Variants in RYR3 observed in about 807,000 individuals in gnomAD.
RYR3 encodes brain ryanodine receptor-calcium release channel.
RYR3 carries 207 observed loss-of-function variants against 584.3 expected under a neutral mutation model. That is an observed-to-expected ratio of 0.35 (90% CI 0.32 to 0.40). The LOEUF (loss-of-function observed/expected upper bound fraction) is 0.40, where lower values mean the gene tolerates loss of function less well. Ranked by LOEUF, RYR3 falls within the 10% of genes least tolerant of loss-of-function variation. The pLI is 1.00. For synonymous variants in RYR3, 2,416 were observed against 2,248.5 expected (o/e 1.07, Z -2.11); for missense variants, 5,616 against 6,089.2 (o/e 0.92, Z 2.59).
chr15:33,682,576 C>A (rs183472099), intron 38 of RYR3, among the ~76,000 whole-genome samples: 13 of 152,196 alleles, frequency 8.5e-5, no homozygotes, highest in Admixed American at 7.2e-4. Context: ...ATAAATGAAG[C>A]CATTTATAAT....
At position 33,613,384 on chromosome 15, in the gene RYR3, TGGC is replaced by T. The variant is rs1567665063; in HGVS notation, c.2357+10_2357+12del. The T allele has an allele frequency of 6.3e-7, 1 of 1,584,782 alleles. No homozygotes were observed. The highest frequency in any genetic ancestry group is 1.7e-5 in the Admixed American group (1 of 57,730). On this transcript the variant is annotated intron_variant, in intron 19 of 103. Transcript: ENST00000634891. ...TTTTCAGCAGGTGTCAAGTAAGTTA[TGGC>T]TGTGATTTCATGGAGAGTAGCAGTT...
intron 43 of RYR3, among the ~76,000 whole-genome samples, chr15:33,712,017 G>A (rs1482722353): frequency 6.6e-6 from 1 of 152,210 alleles, no homozygotes; most frequent in Middle Eastern, 3.2e-3. Flanking sequence ...TCGTGGTTCT[G>A]CAGGCTTTAC....
At chr15:33,559,161 C>G (rs915035106) in intron 10 of RYR3, among the ~76,000 whole-genome samples, 1 of 152,070 alleles carries the variant, frequency 6.6e-6, no homozygotes, top group Non-Finnish European at 1.5e-5. Context: ...GGTTTGCATA[C>G]CCAGATGAGT....
intron 10 of RYR3, among the ~76,000 whole-genome samples, chr15:33,554,571 C>T (rs2056942178): frequency 6.6e-6 from 1 of 152,192 alleles, no homozygotes; most frequent in African/African-American, 2.4e-5. Flanking sequence ...GCTGGGATTA[C>T]AGGCGTGAGC....
At chr15:33,859,754 G>C (rs1262809018) in intron 100 of RYR3, 23 bp downstream of exon 100, 3 of 1,591,672 alleles carry the variant, frequency 1.9e-6, no homozygotes, top group Non-Finnish European at 2.6e-6. Flanking sequence ...ATTGTGTTGA[G>C]TATGAACAGG....
intron 86 of RYR3, among the ~76,000 whole-genome samples, chr15:33,831,394 CTCTT>C (rs563337801): frequency 4.7e-4 from 72 of 152,324 alleles, no homozygotes; most frequent in Middle Eastern, 3.4e-3. Flanking sequence ...TTACTCAAAA[CTCTT>C]TATATCTAGA....
intron 7 of RYR3, among the ~76,000 whole-genome samples, chr15:33,543,162 G>A (rs2141171463): frequency 6.6e-6 from 1 of 152,196 alleles, no homozygotes; most frequent in Admixed American, 6.6e-5. Flanking sequence ...AGGGTCTTAA[G>A]AATGGTCTGC....
intron 18 of RYR3, among the ~76,000 whole-genome samples, chr15:33,611,546 ACT>A (rs906339169): frequency 1.3e-5 from 2 of 149,248 alleles, no homozygotes; most frequent in South Asian, 2.2e-4. Context: ...ACAGAGTGAG[ACT>A]CTGTCTCCAA....
chr15:33,484,010 C>T (rs569432210), intron 2 of RYR3, among the ~76,000 whole-genome samples: 1 of 152,236 alleles, frequency 6.6e-6, no homozygotes, highest in East Asian at 1.9e-4. Flanking sequence ...TTCTAGATTG[C>T]TCCCTGGTGC....
intron 67 of RYR3, among the ~76,000 whole-genome samples, chr15:33,796,559 T>A (rs1260645479): frequency 1.3e-5 from 2 of 152,260 alleles, no homozygotes; most frequent in African/African-American, 4.8e-5. Flanking sequence ...GGGTTGCTGC[T>A]GCTCTTTTGG....
intron 75 of RYR3, among the ~76,000 whole-genome samples, 170 bp from the exon 76 acceptor site, chr15:33,818,408 G>A (rs559770174): frequency 1.4e-4 from 22 of 152,246 alleles, no homozygotes; most frequent in Admixed American, 3.9e-4. Flanking sequence ...CTCAAACCTC[G>A]CACCTTTAGG....
At chr15:33,769,039 A>G in intron 61 of RYR3, 73 bp from the exon 62 acceptor site, 2 of 1,120,382 alleles carry the variant, frequency 1.8e-6, no homozygotes, top group Non-Finnish European at 2.7e-6. Context: ...TGGCTTGTGC[A>G]TATGGAGAAG....
At chr15:33,416,550 T>G (rs770914609) in intron 1 of RYR3, among the ~76,000 whole-genome samples, 2 of 152,200 alleles carry the variant, frequency 1.3e-5, no homozygotes, top group Non-Finnish European at 2.9e-5. Context: ...TGTTTTTTTC[T>G]TCTTGATTTT....
chr15:33,493,246 C>CT (rs1322235447), intron 2 of RYR3, among the ~76,000 whole-genome samples: 2 of 152,158 alleles, frequency 1.3e-5, no homozygotes, highest in Non-Finnish European at 2.9e-5. Context: ...ACATCCCTAA[C>CT]TTATCGATGG....
chr15:33,420,276 A>G (rs927686393), intron 1 of RYR3, among the ~76,000 whole-genome samples: 1 of 152,168 alleles, frequency 6.6e-6, no homozygotes, highest in African/African-American at 2.4e-5. Context: ...GTTCCTCCTT[A>G]TCTGCAGCAA....
chr15:33,629,810 A>T (rs2061178771), intron 21 of RYR3, 130 bp from the exon 22 acceptor site: 4 of 584,804 alleles, frequency 6.8e-6, no homozygotes. Context: ...GCCGAATAGC[A>T]AGTTGCTGTC....
At chr15:33,319,453 A>C (rs898983138) in intron 1 of RYR3, among the ~76,000 whole-genome samples, 9 of 152,208 alleles carry the variant, frequency 5.9e-5, no homozygotes, top group African/African-American at 7.2e-5. Context: ...TTTTCCTCCA[A>C]GTAATCCTCT....
At chr15:33,578,917 C>G (rs1221614673) in intron 12 of RYR3, among the ~76,000 whole-genome samples, 1 of 152,098 alleles carries the variant, frequency 6.6e-6, no homozygotes, top group African/African-American at 2.4e-5. Context: ...CTGAGAGGCT[C>G]CCAGGTGTAC....
intron 1 of RYR3, among the ~76,000 whole-genome samples, chr15:33,409,935 A>G (rs1292446280): frequency 6.6e-6 from 1 of 152,184 alleles, no homozygotes; most frequent in African/African-American, 2.4e-5. Flanking sequence ...TCCTGAAAAC[A>G]CCAGGGCCTG....
Sources: gnomAD v4.1 joint callset for allele counts (sites outside exome capture counted in the v4.1 genomes callset) on GRCh38, gnomAD v4.1.1 for gene constraint, MANE v1.5 for transcripts, NCBI Gene and HGNC (gene_info 2026-07-23, HGNC 2026-07-21) for gene names.